PPP1R2: variants seen among roughly 807,000 people sequenced by gnomAD.
PPP1R2 encodes the protein protein phosphatase inhibitor 2.
A neutral mutation model predicts 29.9 loss-of-function variants in PPP1R2; 16 were observed. The observed-to-expected ratio is 0.53, with a 90% CI of 0.36 to 0.81. The LOEUF is 0.81. Among genes scored for constraint, PPP1R2 ranks in the 30% least tolerant of loss-of-function variants. The probability of loss-of-function intolerance (pLI) is 0.00; values close to 1 mark genes in which losing one functional copy is unlikely to be tolerated. For synonymous variants in PPP1R2, 76 were observed against 91.5 expected, an observed-to-expected ratio of 0.83 and a Z score of 0.96; for missense variants, 197 against 252.7, an observed-to-expected ratio of 0.78 and a Z score of 1.49.
chr3:195,541,526 G>T (rs1577587907), intron 1 of PPP1R2, among the ~76,000 whole-genome samples: 1 of 146,620 alleles, frequency 6.8e-6, no homozygotes, highest in Middle Eastern at 3.6e-3. Flanking sequence ...CAAACTCCTG[G>T]GATCAAGCAA....
chr3:195,531,820 C>G (rs1175354081), intron 1 of PPP1R2, among the ~76,000 whole-genome samples: 1 of 152,178 alleles, frequency 6.6e-6, no homozygotes, highest in Non-Finnish European at 1.5e-5. Flanking sequence ...ACTTTTTCAT[C>G]TTCCCCAACT....
intron 1 of PPP1R2, among the ~76,000 whole-genome samples, chr3:195,537,705 ACTTT>A (rs1719449047): frequency 6.7e-6 from 1 of 149,018 alleles, no homozygotes; most frequent in Non-Finnish European, 1.5e-5. Context: ...CATTTAGTTT[ACTTT>A]CTTCTGTAAA....
chr3:195,528,895 T>G (rs980458146), intron 2 of PPP1R2: 1 of 153,180 alleles, frequency 6.5e-6, no homozygotes, highest in African/African-American at 2.4e-5. Flanking sequence ...AGACAGAGTT[T>G]TGCTCTTGTC....
At chr3:195,526,191 G>A (rs1718965588) in intron 2 of PPP1R2, among the ~76,000 whole-genome samples, 1 of 151,098 alleles carries the variant, frequency 6.6e-6, no homozygotes, top group African/African-American at 2.4e-5. Context: ...AATTTCCCGG[G>A]CTCAAGTGAT....
intron 1 of PPP1R2, among the ~76,000 whole-genome samples, chr3:195,535,763 C>T (rs534327626): frequency 8.5e-5 from 13 of 152,260 alleles, no homozygotes; most frequent in African/African-American, 2.9e-4. Context: ...ACAACATGGA[C>T]GCTTTTATGA....
chr3:195,515,146 G>C lies in PPP1R2; in HGVS notation c.*1750C>G, dbSNP rs1413456132. 1 of 171,848 alleles carries C rather than the reference G, an allele frequency of 5.8e-6. No homozygotes were observed. The highest frequency in any genetic ancestry group is 2.4e-5 in the African/African-American group (1 of 41,538). The allele number at this position is 171,848 out of a possible 1,614,324, so 10.6% of individuals were successfully genotyped here. A position where few individuals can be genotyped will look rare whatever the true frequency, so the allele number is the denominator to read the frequency against. On this transcript the variant is annotated 3_prime_UTR_variant, in exon 6 of 6. Transcript: ENST00000618156. ...CATCCCCCAAGACAGATTTAAACAG[G>C]TAATCCCAACATTTTAAATTCAGAA...
Position 195,523,730 on chromosome 3 carries a change from C to T in PPP1R2, c.365G>A (p.Ser122Asn). 3.1e-6 allele frequency: 5 copies of T among 1,614,180 alleles called. No individual in the cohort carries two copies. Among genetic ancestry groups the T allele is most frequent in the Non-Finnish European group, 4.2e-6 (5 of 1,180,034 alleles). ...PKYRIQEQES[S>N]GEEDSDLSPE... ...TGAGAGGTCACTATCCTCCTCTCCACTGCTTTCTTGTTCCTGAATCCGATA... is the reference window on the plus strand; with the variant it reads ...TGAGAGGTCACTATCCTCCTCTCCATTGCTTTCTTGTTCCTGAATCCGATA... Residue 122 changes from serine (S) to asparagine (N), a missense_variant, in exon 4 of 6, where the codon AGT (serine) becomes AAT (asparagine). Coordinates refer to ENST00000618156, the MANE Select transcript of PPP1R2 (RefSeq NM_006241.8).
At chr3:195,538,437 G>A (rs909338077) in intron 1 of PPP1R2, among the ~76,000 whole-genome samples, 1 of 152,174 alleles carries the variant, frequency 6.6e-6, no homozygotes, top group Non-Finnish European at 1.5e-5. Flanking sequence ...ATAAGACTTC[G>A]AAGCCTGATA....
chr3:195,531,978 G>T (rs185084349), intron 1 of PPP1R2, among the ~76,000 whole-genome samples: 3 of 152,248 alleles, frequency 2.0e-5, no homozygotes, highest in Admixed American at 2.0e-4. Context: ...TGTGACTGGC[G>T]TATCTCACTA....
At chr3:195,518,960 C>A (rs777349138) in intron 5 of PPP1R2, 58 bp downstream of exon 5, 2 of 1,575,980 alleles carry the variant, frequency 1.3e-6, no homozygotes, top group Non-Finnish European at 1.7e-6. Context: ...AAATAAAGTA[C>A]ATTATCTTAG....
intron 1 of PPP1R2, among the ~76,000 whole-genome samples, chr3:195,537,520 T>TGTGTGTG (rs1719441468): frequency 6.6e-6 from 1 of 151,026 alleles, no homozygotes; most frequent in Admixed American, 6.6e-5. Flanking sequence ...TGTGTGTGTG[T>TGTGTGTG]TTCCATTTCA....
intron 2 of PPP1R2, among the ~76,000 whole-genome samples, chr3:195,527,267 C>T (rs530142854): frequency 3.3e-5 from 5 of 151,126 alleles, no homozygotes; most frequent in South Asian, 2.1e-4. Context: ...TTGGCCAACA[C>T]GGTGAAACCC....
chr3:195,539,259 A>G (rs910775312), intron 1 of PPP1R2, among the ~76,000 whole-genome samples: 11 of 152,344 alleles, frequency 7.2e-5, no homozygotes, highest in African/African-American at 2.6e-4. Context: ...GAAGTCCACA[A>G]TGATCGAAGA....
intron 1 of PPP1R2, among the ~76,000 whole-genome samples, chr3:195,535,246 A>G (rs919975119): frequency 6.6e-6 from 1 of 152,154 alleles, no homozygotes; most frequent in African/African-American, 2.4e-5. Flanking sequence ...ATGAGAATCT[A>G]ATGTCACCAT....
At chr3:195,541,545 C>T (rs931531536) in intron 1 of PPP1R2, among the ~76,000 whole-genome samples, 19 of 148,386 alleles carry the variant, frequency 1.3e-4, no homozygotes, top group African/African-American at 3.7e-4. Flanking sequence ...AATCCTCCCA[C>T]CTTGGCCTCT....
chr3:195,523,876 C>G (rs1173852417), intron 3 of PPP1R2, 90 bp from the exon 4 acceptor site: 9 of 1,069,622 alleles, frequency 8.4e-6, no homozygotes, highest in Admixed American at 5.9e-5. Flanking sequence ...ACAAAAACAT[C>G]TGAAGATCAT....
At chr3:195,537,602 C>T (rs902493913) in intron 1 of PPP1R2, among the ~76,000 whole-genome samples, 15 of 151,070 alleles carry the variant, frequency 9.9e-5, no homozygotes, top group Admixed American at 8.6e-4. Flanking sequence ...TGTTTACATC[C>T]TTTGCCTATC....
rs1718512207 is a variant in PPP1R2, at chr3:195,515,502, C to T, written c.*1394G>A. 6.6e-6 allele frequency: 1 copy of T among 152,556 alleles called. No individual in the cohort carries two copies. Among genetic ancestry groups the T allele is most frequent in the Admixed American group, 6.6e-5 (1 of 15,264 alleles). 9.5% of individuals were successfully genotyped at this position (152,556 alleles called of 1,614,324 possible). A position where few individuals can be genotyped will look rare whatever the true frequency, so the allele number is the denominator to read the frequency against. ...CTAACAAAAGTTGTACACAATTCAT[C>T]AATTGTATGGCTAGAAATGAAACCA... On this transcript the variant is annotated 3_prime_UTR_variant, in exon 6 of 6. Coordinates refer to ENST00000618156, the MANE Select transcript of PPP1R2 (RefSeq NM_006241.8).
Position 195,542,946 on chromosome 3 carries a change from G to A in PPP1R2, c.80C>T (p.Ala27Val). ...ATTCCCGCGGGGCTGTTCGGCCGACGCCACCATAGAGGAAGTCGTAGAGGT... is the reference window on the plus strand; with the variant it reads ...ATTCCCGCGGGGCTGTTCGGCCGACACCACCATAGAGGAAGTCGTAGAGGT... ...NKTSTTSSMV[A>V]SAEQPRGNVD... The change falls in exon 1 of 6, where the codon GCG becomes GTG. Residue 27 changes from alanine to valine, a missense_variant. Ala to Val is a moderately conservative substitution (Grantham distance 64, BLOSUM62 0). Transcript: ENST00000618156. 1 of 1,603,436 alleles carries A rather than the reference G, an allele frequency of 6.2e-7. No individual in the cohort carries two copies. The highest frequency in any genetic ancestry group is 8.5e-7 in the Non-Finnish European group (1 of 1,174,980).
Sources: allele counts gnomAD v4.1 joint callset (sites outside exome capture counted in the v4.1 genomes callset), GRCh38; gene constraint gnomAD v4.1.1; transcripts MANE v1.5; gene names NCBI Gene and HGNC (gene_info 2026-07-23, HGNC 2026-07-21).